The following NFXL1 variants were observed in gnomAD, a reference collection of about 807,000 sequenced individuals.
The protein encoded by NFXL1 is nuclear transcription factor, X-box binding like 1.
In NFXL1, 66 loss-of-function variants were observed where a neutral mutation model predicts 123.3. The observed-to-expected ratio is 0.54, with a 90% CI of 0.44 to 0.66. The LOEUF is 0.66. Ranked by LOEUF, NFXL1 falls within the 30% of genes least tolerant of loss-of-function variation. The pLI is 0.00. For missense variants in NFXL1, 944 were observed against 1,125.6 expected (o/e 0.84, Z 2.31); for synonymous variants, 346 against 360.8 (o/e 0.96, Z 0.46).
intron 18 of NFXL1, among the ~76,000 whole-genome samples, chr4:47,871,117 G>A (rs10805158): frequency 0.82 from 124,367 of 152,126 alleles, 51,046 homozygotes; most frequent in East Asian, 0.98. Context: ...TTGGGAGGCC[G>A]AGGCGGGCAG....
chr4:47,872,820 T>C (rs1453592350), intron 18 of NFXL1, among the ~76,000 whole-genome samples: 1 of 152,178 alleles, frequency 6.6e-6, no homozygotes, highest in Non-Finnish European at 1.5e-5. Flanking sequence ...CTGCTGAAGA[T>C]TGAGGTGGCT....
chr4:47,881,443 TCAGA>T (rs894769875), intron 15 of NFXL1, among the ~76,000 whole-genome samples: 3 of 152,146 alleles, frequency 2.0e-5, no homozygotes, highest in Non-Finnish European at 4.4e-5. Context: ...GCAAAATGAT[TCAGA>T]CACTTTAGTA....
intron 18 of NFXL1, among the ~76,000 whole-genome samples, chr4:47,863,336 A>C (rs1734868803): frequency 6.6e-6 from 1 of 152,194 alleles, no homozygotes; most frequent in Non-Finnish European, 1.5e-5. Flanking sequence ...ATTTGGTGAG[A>C]AATAAAATTA....
intron 15 of NFXL1, among the ~76,000 whole-genome samples, chr4:47,883,193 C>T (rs1041665746): frequency 1.3e-5 from 2 of 151,170 alleles, no homozygotes; most frequent in African/African-American, 2.4e-5. Flanking sequence ...TGCAGTGAGC[C>T]GACATTGAAC....
At chr4:47,876,508 G>A (rs1050116877) in intron 17 of NFXL1, among the ~76,000 whole-genome samples, 1 of 152,100 alleles carries the variant, frequency 6.6e-6, no homozygotes, top group African/African-American at 2.4e-5. Flanking sequence ...AAGTGAGTAA[G>A]CAAGAGAGTG....
intron 12 of NFXL1, among the ~76,000 whole-genome samples, chr4:47,888,499 TTTG>T (rs1409880749): frequency 1.3e-5 from 2 of 152,158 alleles, no homozygotes; most frequent in Non-Finnish European, 2.9e-5. Context: ...CAAGGAAAAT[TTTG>T]TTGTGACTAA....
At chr4:47,852,317 C>T (rs1331576275) in intron 20 of NFXL1, 2 of 179,550 alleles carry the variant, frequency 1.1e-5, no homozygotes, top group African/African-American at 2.4e-5. Flanking sequence ...CTGGTATGTG[C>T]GTGGGATGGA....
intron 15 of NFXL1, among the ~76,000 whole-genome samples, chr4:47,879,581 A>G (rs1039638465): frequency 2.6e-5 from 4 of 152,210 alleles, no homozygotes; most frequent in Admixed American, 6.5e-5. Flanking sequence ...CTGATTCTAA[A>G]GTCTATATAG....
intron 9 of NFXL1, among the ~76,000 whole-genome samples, chr4:47,897,546 C>T (rs546114102): frequency 1.3e-5 from 2 of 152,118 alleles, no homozygotes; most frequent in African/African-American, 4.8e-5. Flanking sequence ...TCAAACCCCA[C>T]CAGACTGGTA....
In NFXL1 at chr4:47,899,237, A is replaced by G. The variant is rs1737258975; in HGVS notation, c.827-117T>C. On this transcript the variant is annotated intron_variant, in intron 6 of 22. Transcript: ENST00000507489. ...AGAACTTTCTTTACTGACACTTTAC[A>G]AAAGGCAATAACTTTCAATATTTTC... 4 of 1,290,896 alleles carry G rather than the reference A, an allele frequency of 3.1e-6. No homozygotes were observed. The South Asian group carries it at 6.3e-5, about 20-fold the overall frequency. 80.0% of individuals were successfully genotyped at this position (1,290,896 alleles called of 1,614,324 possible). A position where few individuals can be genotyped will look rare whatever the true frequency, so the allele number is the denominator to read the frequency against.
At chr4:47,898,335 G>A (rs948267134) in intron 8 of NFXL1, among the ~76,000 whole-genome samples, 2 of 152,008 alleles carry the variant, frequency 1.3e-5, no homozygotes, top group Non-Finnish European at 2.9e-5. Flanking sequence ...AAAACTACAT[G>A]CAGCTCCATA....
intron 3 of NFXL1, 120 bp from the exon 4 acceptor site, chr4:47,905,466 G>C: frequency 2.1e-6 from 1 of 484,852 alleles, no homozygotes; most frequent in Non-Finnish European, 3.7e-6. Flanking sequence ...AAATATAGCT[G>C]TAAAACAAGA....
In NFXL1 at chr4:47,894,322, G is replaced by T; in HGVS notation, c.1330-20C>A. 3 of 1,545,920 alleles carry T rather than the reference G, an allele frequency of 1.9e-6. No individual in the cohort carries two copies. Among genetic ancestry groups the T allele is most frequent in the South Asian group, 1.3e-5 (1 of 79,710 alleles). On this transcript the variant is annotated intron_variant, in intron 10 of 22. Coordinates refer to ENST00000507489, the MANE Select transcript of NFXL1 (RefSeq NM_001278624.2). ...CACTTCCTGGAAGAATAAAAGAAAT[G>T]CTATTAAAATTGATTTTTGTTAATA...
At chr4:47,863,935 T>C (rs1016953661) in intron 18 of NFXL1, among the ~76,000 whole-genome samples, 1 of 152,202 alleles carries the variant, frequency 6.6e-6, no homozygotes, top group African/African-American at 2.4e-5. Context: ...TTCTTACTTT[T>C]CCTATTCTTG....
intron 19 of NFXL1, among the ~76,000 whole-genome samples, chr4:47,857,980 C>T (rs779251001): frequency 2.6e-5 from 4 of 152,188 alleles, no homozygotes; most frequent in Non-Finnish European, 5.9e-5. Context: ...CTCCCCACAA[C>T]GTCTTCTCTC....
At chr4:47,859,841 CAAAAAAAA>C (rs938207203) in intron 19 of NFXL1, among the ~76,000 whole-genome samples, 66 of 14,300 alleles carry the variant, frequency 4.6e-3, no homozygotes, top group South Asian at 0.011. Context: ...GACTCCATCT[CAAAAAAAA>C]AAAAAAAAAA....
intron 19 of NFXL1, among the ~76,000 whole-genome samples, chr4:47,855,619 A>G (rs1734364456): frequency 6.6e-6 from 1 of 152,054 alleles, no homozygotes; most frequent in African/African-American, 2.4e-5. Flanking sequence ...ACTTGGATTC[A>G]TGGGTGAACA....
At chr4:47,910,524 G>T (rs747527377) in intron 3 of NFXL1, among the ~76,000 whole-genome samples, 1 of 152,090 alleles carries the variant, frequency 6.6e-6, no homozygotes, top group African/African-American at 2.4e-5. Flanking sequence ...ACTTGCCCCA[G>T]TCCACCGCTC....
At chr4:47,878,963 A>T (rs964186767) in intron 16 of NFXL1, 133 bp downstream of exon 16, 3 of 590,446 alleles carry the variant, frequency 5.1e-6, no homozygotes, top group Non-Finnish European at 8.8e-6. Context: ...TTAGTAGATA[A>T]ACTCTTGTAC....
Sources: gnomAD v4.1 joint callset for allele counts (sites outside exome capture counted in the v4.1 genomes callset) on GRCh38, gnomAD v4.1.1 for gene constraint, MANE v1.5 for transcripts, NCBI Gene and HGNC (gene_info 2026-07-23, HGNC 2026-07-21) for gene names.